The following NCKAP1L variants were observed in gnomAD, a reference collection of about 807,000 sequenced individuals.
NCKAP1L encodes NCK associated protein 1 like.
Under a neutral mutation model 139.2 loss-of-function variants are expected in NCKAP1L, and 53 were observed. The observed-to-expected ratio is 0.38, with a 90% confidence interval of 0.31 to 0.48. The LOEUF (loss-of-function observed/expected upper bound fraction) is 0.48. NCKAP1L is among the 20% of genes least tolerant of loss of function. NCKAP1L has a pLI of 0.98. For synonymous variants in NCKAP1L, 468 were observed against 499.7 expected, an observed-to-expected ratio of 0.94 and a Z score of 0.85; for missense variants, 1,151 against 1,381.9, an observed-to-expected ratio of 0.83 and a Z score of 2.65.
At chr12:54,532,055 G>A in intron 25 of NCKAP1L, 115 bp from the exon 26 acceptor site, 2 of 865,724 alleles carry the variant, frequency 2.3e-6, no homozygotes, top group Non-Finnish European at 3.5e-6. Context: ...TTGGAAAGCT[G>A]GCTAGGTTCT....
chr12:54,531,171 T>C, intron 22 of NCKAP1L, 89 bp from the exon 23 acceptor site: 1 of 1,043,962 alleles, frequency 9.6e-7, no homozygotes, highest in South Asian at 1.4e-5. Flanking sequence ...CTGGAAAACA[T>C]TTTAAATATT....
At chr12:54,520,610 T>C (rs1956974034) in intron 16 of NCKAP1L, 84 bp from the exon 17 acceptor site, 4 of 1,441,006 alleles carry the variant, frequency 2.8e-6, no homozygotes, top group African/African-American at 1.4e-5. Context: ...TCTTAAACTC[T>C]ATTTTTCTTT....
At chr12:54,510,352 C>T (rs1485273457) in intron 7 of NCKAP1L, 1 of 431,512 alleles carries the variant, frequency 2.3e-6, no homozygotes, top group Non-Finnish European at 4.5e-6. Flanking sequence ...GAGACAGTGT[C>T]TTACTCTGTC....
At position 54,535,043 on chromosome 12, in the gene NCKAP1L, C is replaced by T. The variant is rs2120968053; in HGVS notation, c.2863-61C>T. The T allele has an allele frequency of 4.4e-6, 6 of 1,365,294 alleles. No homozygotes were observed. The Middle Eastern group carries it at 6.1e-4, about 140-fold the overall frequency. 84.6% of individuals were successfully genotyped at this position (1,365,294 alleles called of 1,614,324 possible). A position where few individuals can be genotyped will look rare whatever the true frequency, so the allele number is the denominator to read the frequency against. ...GATCCAAAAGTCCTGGCTATGCATT[C>T]CTTCTGTCAAGCCATTGTGTCCTGC... On this transcript the variant is annotated intron_variant, in intron 26 of 30. Coordinates refer to ENST00000293373, the MANE Select transcript of NCKAP1L (RefSeq NM_005337.5).
intron 9 of NCKAP1L, among the ~76,000 whole-genome samples, chr12:54,512,789 T>A (rs1467272557): frequency 6.0e-5 from 9 of 150,292 alleles, no homozygotes; most frequent in African/African-American, 2.0e-4. Flanking sequence ...TGTGTGTGTG[T>A]GTATGTGTGA....
chr12:54,509,167 C>T (rs1488412605), intron 5 of NCKAP1L, among the ~76,000 whole-genome samples: 1 of 152,058 alleles, frequency 6.6e-6, no homozygotes, highest in Non-Finnish European at 1.5e-5. Flanking sequence ...TTCTGTCCCC[C>T]TCCATTAGTG....
Position 54,525,640 on chromosome 12 carries a change from GC to G in NCKAP1L, c.2157-885del, listed in dbSNP as rs201025595. On this transcript the variant is annotated intron_variant, in intron 20 of 30. Coordinates refer to ENST00000293373, the MANE Select transcript of NCKAP1L (RefSeq NM_005337.5). ...GTTAACTCTAAATTAGATCAGTCTT[GC>G]CCTTAGTCTGTCCCTTCTGTATTAT... 8.9e-3 allele frequency among the ~76,000 whole-genome samples: 1,358 copies of G among 152,266 alleles called. 19 individuals carry two copies. The highest frequency in any genetic ancestry group is 0.03 in the African/African-American group (1,248 of 41,548).
chr12:54,517,558 C>T lies in NCKAP1L; in HGVS notation c.1121C>T (p.Ser374Phe). Residue 374 changes from serine to phenylalanine, a missense_variant, in exon 12 of 31, where the codon TCC becomes TTC. Ser to Phe is a radical substitution (Grantham distance 155, BLOSUM62 -2). Coordinates refer to ENST00000293373, the MANE Select transcript of NCKAP1L (RefSeq NM_005337.5). ...PKALFAFMAL[S>F]FIRDEVTWLV... ...GCTCTTTTTGCTTTCATGGCCCTGT[C>T]CTTCATTCGTGATGAGGTCACCTGG... The T allele has an allele frequency of 1.2e-6, 2 of 1,614,044 alleles. No homozygotes were observed. Among genetic ancestry groups the T allele is most frequent in the Non-Finnish European group, 1.7e-6 (2 of 1,179,940 alleles).
intron 2 of NCKAP1L, 49 bp from the exon 3 acceptor site, chr12:54,500,484 A>G: frequency 1.6e-6 from 2 of 1,267,226 alleles, no homozygotes; most frequent in Non-Finnish European, 2.3e-6. Context: ...ATTTGGATCA[A>G]TTGTCTTATT....
At chr12:54,520,361 A>G (rs547842753) in intron 16 of NCKAP1L, among the ~76,000 whole-genome samples, 2 of 152,224 alleles carry the variant, frequency 1.3e-5, no homozygotes, top group Non-Finnish European at 2.9e-5. Flanking sequence ...GGACTTCTAA[A>G]TTAGGGGGAA....
At chr12:54,542,475 C>G (rs1296930772) in intron 30 of NCKAP1L, 100 bp from the exon 31 acceptor site, 2 of 858,978 alleles carry the variant, frequency 2.3e-6, no homozygotes, top group African/African-American at 3.3e-5. Flanking sequence ...ACTTGTAACT[C>G]TCAGGGCCTC....
chr12:54,514,460 T>C (rs1956914666), intron 9 of NCKAP1L, among the ~76,000 whole-genome samples: 1 of 152,144 alleles, frequency 6.6e-6, no homozygotes, highest in Admixed American at 6.5e-5. Flanking sequence ...TAGCTGGGAT[T>C]ACAGGCATGT....
At chr12:54,522,125 C>T (rs970037985) in intron 18 of NCKAP1L, among the ~76,000 whole-genome samples, 8 of 151,992 alleles carry the variant, frequency 5.3e-5, no homozygotes, top group African/African-American at 9.7e-5. Flanking sequence ...TTTTTGGGGA[C>T]CCAGAAGGAA....
In NCKAP1L at chr12:54,519,220, C is replaced by T. The variant is rs777934070; in HGVS notation, c.1513C>T (p.Leu505=). The T allele has an allele frequency of 6.3e-7, 1 of 1,578,426 alleles. No homozygotes were observed. The highest frequency in any genetic ancestry group is 8.6e-7 in the Non-Finnish European group (1 of 1,169,210). ...YTSVAKAPLH[L]HENPDLAKVM... Reference sequence around the variant, plus strand: ...TAGCGTGGCTAAGGCCCCTCTGCACCTGCATGAGAACCCTGACTTAGCCAA... The same window carrying T: ...TAGCGTGGCTAAGGCCCCTCTGCACTTGCATGAGAACCCTGACTTAGCCAA... Residue 505 remains leucine, a synonymous_variant, in exon 16 of 31, where the codon CTG becomes TTG. Coordinates refer to ENST00000293373, the MANE Select transcript of NCKAP1L (RefSeq NM_005337.5).
Position 54,523,875 on chromosome 12 carries a change from A to G in NCKAP1L, c.2075A>G (p.His692Arg), listed in dbSNP as rs2120936196. 1 of 1,614,176 alleles carries G rather than the reference A, an allele frequency of 6.2e-7. No individual in the cohort carries two copies. The highest frequency in any genetic ancestry group is 8.5e-7 in the Non-Finnish European group (1 of 1,180,000). Residue 692 changes from histidine (H) to arginine (R), a missense_variant, in exon 20 of 31, where the codon CAT (histidine) becomes CGT (arginine). Transcript: ENST00000293373. ...ACAGAACTGGCACTGACAATGAATC[A>G]TGTATACAGTTTCTCCGTGTTTGAA... Reference protein sequence around the residue: ...NLTELALTMNHVYSFSVFEHT... With the variant: ...NLTELALTMNRVYSFSVFEHT...
At chr12:54,513,968 A>ATGTGTG (rs61519403) in intron 9 of NCKAP1L, among the ~76,000 whole-genome samples, 12,343 of 148,714 alleles carry the variant, frequency 0.083, 582 homozygotes, top group East Asian at 0.2. Flanking sequence ...CATCCTTCAG[A>ATGTGTG]TGTGTGTGTG....
chr12:54,513,703 T>G (rs938681572), intron 9 of NCKAP1L, among the ~76,000 whole-genome samples: 3 of 152,144 alleles, frequency 2.0e-5, no homozygotes, highest in African/African-American at 7.2e-5. Flanking sequence ...TTGTGAACAA[T>G]TTGAGTGGTG....
chr12:54,543,206 T>G lies in NCKAP1L; in HGVS notation c.*521T>G, dbSNP rs1159187624. ...CAGCAAACATTCAACCTGCTCCTAC[T>G]GCAGAGTAGCAGCAAAGGAGCCCCT... is the stretch of plus-strand genomic sequence containing the variant. On this transcript the variant is annotated 3_prime_UTR_variant, in exon 31 of 31. Transcript: ENST00000293373. The G allele has an allele frequency of 6.6e-6, 1 of 152,356 alleles. No homozygotes were observed. The highest frequency in any genetic ancestry group is 6.5e-5 in the Admixed American group (1 of 15,298). 9.4% of individuals were successfully genotyped at this position (152,356 alleles called of 1,614,324 possible). A position where few individuals can be genotyped will look rare whatever the true frequency, so the allele number is the denominator to read the frequency against.
At chr12:54,500,015 C>T (rs1956784177) in intron 2 of NCKAP1L, among the ~76,000 whole-genome samples, 1 of 152,178 alleles carries the variant, frequency 6.6e-6, no homozygotes, top group Non-Finnish European at 1.5e-5. Flanking sequence ...TCACATGCAA[C>T]CATTCTACCT....
Sources: gnomAD v4.1 joint callset for allele counts (sites outside exome capture counted in the v4.1 genomes callset) on GRCh38, gnomAD v4.1.1 for gene constraint, MANE v1.5 for transcripts, NCBI Gene and HGNC (gene_info 2026-07-23, HGNC 2026-07-21) for gene names.